RAB11FIP1: variants seen among roughly 807,000 people sequenced by gnomAD.
RAB11FIP1 encodes rab11 family-interacting protein 1.
Under a neutral mutation model 83.1 loss-of-function variants are expected in RAB11FIP1, and 49 were observed. The ratio of observed to expected loss-of-function variants is 0.59; its 90% CI spans 0.47 to 0.75. The LOEUF (loss-of-function observed/expected upper bound fraction) is 0.75. Ranked by LOEUF, RAB11FIP1 falls within the 30% of genes least tolerant of loss-of-function variation. The pLI, the probability that RAB11FIP1 is intolerant of heterozygous loss-of-function variation, is 0.00. For missense variants in RAB11FIP1, 1,536 were observed against 1,598.7 expected, an observed-to-expected ratio of 0.96 and a Z score of 0.67; for synonymous variants, 670 against 656.0, an observed-to-expected ratio of 1.02 and a Z score of -0.33.
At chr8:37,898,407 C>A (rs749259284) in intron 1 of RAB11FIP1, among the ~76,000 whole-genome samples, 1 of 150,806 alleles carries the variant, frequency 6.6e-6, no homozygotes, top group South Asian at 2.1e-4. Context: ...GTAATCCCAG[C>A]ACTTTGGGAG....
chr8:37,896,930 T>C (rs1331464209), intron 1 of RAB11FIP1, among the ~76,000 whole-genome samples: 1 of 152,106 alleles, frequency 6.6e-6, no homozygotes, highest in Non-Finnish European at 1.5e-5. Context: ...GGATAAAATG[T>C]CCACATAAGA....
intron 1 of RAB11FIP1, among the ~76,000 whole-genome samples, chr8:37,886,387 A>T (rs1270950988): frequency 6.6e-6 from 1 of 152,208 alleles, no homozygotes; most frequent in Non-Finnish European, 1.5e-5. Flanking sequence ...TATCAGAACC[A>T]CCTATCTAGG....
intron 1 of RAB11FIP1, among the ~76,000 whole-genome samples, chr8:37,887,028 C>T (rs756953847): frequency 6.6e-6 from 1 of 152,182 alleles, no homozygotes; most frequent in African/African-American, 2.4e-5. Flanking sequence ...AGCTAGTCAT[C>T]ATAACCTAAC....
At chr8:37,895,419 A>G (rs1197502135) in intron 1 of RAB11FIP1, among the ~76,000 whole-genome samples, 1 of 148,722 alleles carries the variant, frequency 6.7e-6, no homozygotes, top group Non-Finnish European at 1.5e-5. Flanking sequence ...CCTCCTAAAA[A>G]GGTTTCTATC....
chr8:37,862,891 T>G lies in RAB11FIP1; in HGVS notation c.*4A>C. 6.2e-7 allele frequency: 1 copy of G among 1,603,646 alleles called. No homozygotes were observed. Among genetic ancestry groups the G allele is most frequent in the South Asian group, 1.1e-5 (1 of 90,802 alleles). ...AAACGTCTCGGTGTTTTTTTTCTGC[T>G]GATTTACATCTTTCCTGCTTTTTTG... On this transcript the variant is annotated 3_prime_UTR_variant, in exon 6 of 6. Coordinates refer to ENST00000330843, the MANE Select transcript of RAB11FIP1 (RefSeq NM_001002814.3).
chr8:37,869,223 G>A (rs1432444382), intron 5 of RAB11FIP1, among the ~76,000 whole-genome samples: 3 of 79,350 alleles, frequency 3.8e-5, no homozygotes, highest in Non-Finnish European at 4.6e-5. Flanking sequence ...ATGAGATCCT[G>A]TATCAAAAAA....
At chr8:37,884,641 C>T (rs555993391) in intron 1 of RAB11FIP1, among the ~76,000 whole-genome samples, 6 of 152,034 alleles carry the variant, frequency 3.9e-5, no homozygotes, top group South Asian at 2.1e-4. Flanking sequence ...CTCCACCTCC[C>T]GGGTTCAAGC....
Position 37,872,652 on chromosome 8 carries a change from C to A in RAB11FIP1, c.2150G>T (p.Ser717Ile). Residue 717 changes from serine (S) to isoleucine (I), a missense_variant, in exon 4 of 6, where the codon AGC becomes ATC. Physicochemically the swap from Ser to Ile is moderately radical, Grantham distance 142. Coordinates refer to ENST00000330843, the MANE Select transcript of RAB11FIP1 (RefSeq NM_001002814.3). ...TTCCTGGGCTTCTCCAGATGATGGGCTGTAGTCTTGTTTTTTGCAGGGGAA... is the reference window on the plus strand; with the variant it reads ...TTCCTGGGCTTCTCCAGATGATGGGATGTAGTCTTGTTTTTTGCAGGGGAA... ...PRFPCKKQDYSPSSGEAQEVP... is the reference protein window; with the variant it reads ...PRFPCKKQDYIPSSGEAQEVP... The A allele has an allele frequency of 6.2e-7, 1 of 1,614,210 alleles. No individual in the cohort carries two copies. The highest frequency in any genetic ancestry group is 8.5e-7 in the Non-Finnish European group (1 of 1,180,036).
At chr8:37,866,940 G>A (rs554017649) in intron 5 of RAB11FIP1, among the ~76,000 whole-genome samples, 1 of 152,286 alleles carries the variant, frequency 6.6e-6, no homozygotes, top group Admixed American at 6.5e-5. Flanking sequence ...GCAGCGGGGT[G>A]GCAGCCAGGC....
At chr8:37,898,297 A>C (rs1161156055) in intron 1 of RAB11FIP1, among the ~76,000 whole-genome samples, 2 of 151,214 alleles carry the variant, frequency 1.3e-5, no homozygotes, top group Non-Finnish European at 1.5e-5. Context: ...GATCACCTGA[A>C]GTCAGAAATT....
intron 1 of RAB11FIP1, among the ~76,000 whole-genome samples, chr8:37,897,799 T>A (rs558813021): frequency 6.6e-6 from 1 of 152,052 alleles, no homozygotes; most frequent in African/African-American, 2.4e-5. Flanking sequence ...ACCACACTGT[T>A]GTAACATTCT....
intron 1 of RAB11FIP1, among the ~76,000 whole-genome samples, chr8:37,889,033 G>A (rs544599113): frequency 4.6e-5 from 7 of 151,952 alleles, no homozygotes; most frequent in African/African-American, 1.4e-4. Flanking sequence ...TCCTGACCTC[G>A]TGATCTGCCC....
At position 37,877,583 on chromosome 8, in the gene RAB11FIP1, G is replaced by A. The variant is rs1346585557; in HGVS notation, c.372-32C>T. On this transcript the variant is annotated intron_variant, in intron 1 of 5. Transcript: ENST00000330843. ...GGAGAAAGGCTGAGGAGTTACCTTT[G>A]AATGGAAGCAACTGCAACAATGTTC... is the stretch of plus-strand genomic sequence containing the variant. 3 of 1,420,238 alleles carry A rather than the reference G, an allele frequency of 2.1e-6. No homozygotes were observed. In the South Asian group the frequency reaches 3.7e-5, roughly 17 times the overall value. 88.0% of individuals were successfully genotyped at this position (1,420,238 alleles called of 1,614,324 possible).
intron 3 of RAB11FIP1, 161 bp from the exon 4 acceptor site, chr8:37,873,340 C>T: frequency 1.3e-6 from 1 of 742,682 alleles, no homozygotes; most frequent in Non-Finnish European, 2.1e-6. Flanking sequence ...CGCGGTGGCT[C>T]ACGCCTGTAA....
chr8:37,887,668 C>G (rs1327888102), intron 1 of RAB11FIP1, among the ~76,000 whole-genome samples: 1 of 152,018 alleles, frequency 6.6e-6, no homozygotes. Flanking sequence ...AGATATTTAA[C>G]CTCTCTGTGG....
At chr8:37,887,218 C>G (rs1387706004) in intron 1 of RAB11FIP1, among the ~76,000 whole-genome samples, 1 of 152,092 alleles carries the variant, frequency 6.6e-6, no homozygotes, top group Non-Finnish European at 1.5e-5. Flanking sequence ...TTTGTAGCCA[C>G]CAAACTGAAT....
intron 1 of RAB11FIP1, among the ~76,000 whole-genome samples, chr8:37,894,139 C>G (rs887304512): frequency 1.3e-5 from 2 of 152,012 alleles, no homozygotes; most frequent in Non-Finnish European, 2.9e-5. Flanking sequence ...AAGGGAAATT[C>G]CAAGAAAAGA....
In RAB11FIP1 at chr8:37,874,657, C is replaced by T. The variant is rs754457347; in HGVS notation, c.1480G>A (p.Val494Ile). ...AGGGAGCTGCCCTGTCTGGAGACAA[C>T]AGCTGCAGTATCTTTCTCAGATCTT... ...VRRSEKDTAA[V>I]VSRQGSSLNL... The change falls in exon 3 of 6, where the codon GTT becomes ATT. Residue 494 changes from valine (V) to isoleucine (I), a missense_variant. Transcript: ENST00000330843. The T allele has an allele frequency of 5.0e-6, 8 of 1,614,220 alleles. No individual in the cohort carries two copies. Among genetic ancestry groups the T allele is most frequent in the Admixed American group, 1.7e-5 (1 of 60,024 alleles).
chr8:37,890,456 C>T (rs888134452), intron 1 of RAB11FIP1, among the ~76,000 whole-genome samples: 2 of 152,126 alleles, frequency 1.3e-5, no homozygotes, highest in Non-Finnish European at 2.9e-5. Flanking sequence ...CCTTTTTTCT[C>T]TCCACAGGCA....
Sources: gnomAD v4.1 joint callset for allele counts (sites outside exome capture counted in the v4.1 genomes callset) on GRCh38, gnomAD v4.1.1 for gene constraint, MANE v1.5 for transcripts, NCBI Gene and HGNC (gene_info 2026-07-23, HGNC 2026-07-21) for gene names.